Variants in LAMA5 observed in about 807,000 individuals in gnomAD.
The protein encoded by LAMA5 is laminin subunit alpha 5, also known as laminin subunit alpha-5.
A neutral mutation model predicts 433.4 loss-of-function variants in LAMA5; 260 were observed. The ratio of observed to expected loss-of-function variants is 0.60; its 90% CI spans 0.54 to 0.66. The LOEUF is 0.66. LAMA5 is among the 30% of genes least tolerant of loss of function. The pLI is 0.00. For synonymous variants in LAMA5, 2,620 were observed against 2,226.6 expected (o/e 1.18, Z -4.97); for missense variants, 5,378 against 5,258.5 (o/e 1.02, Z -0.70).
rs2146237087 is a variant in LAMA5, at chr20:62,338,158, G to A, written c.1757-8C>T. 6.3e-7 allele frequency: 1 copy of A among 1,575,668 alleles called. No individual in the cohort carries two copies. The highest frequency in any genetic ancestry group is 2.3e-5 in the East Asian group (1 of 44,422). ...CAGGGCTGCAGCCACACACTGCAGA[G>A]CGGAGCGGGTGTCACGGTAGGCCAG... On this transcript the variant is annotated splice_polypyrimidine_tract_variant and splice_region_variant and intron_variant, in intron 13 of 79. Transcript: ENST00000252999.
chr20:62,317,116 T>G, intron 55 of LAMA5, 93 bp from the exon 56 acceptor site: 1 of 1,393,922 alleles, frequency 7.2e-7, no homozygotes, highest in Non-Finnish European at 9.4e-7. Flanking sequence ...GCCGTGCCCG[T>G]GCCTGCCCGC....
Position 62,326,913 on chromosome 20 carries a change from C to G in LAMA5, c.5166G>C (p.Arg1722=). 6.2e-7 allele frequency: 1 copy of G among 1,612,388 alleles called. No homozygotes were observed. Among genetic ancestry groups the G allele is most frequent in the South Asian group, 1.1e-5 (1 of 91,004 alleles). ...LRYELHSETQ[R]GDVFVPMESR... ...TCTCCATGGGGACAAAGACATCTCC[C>G]CGCTGGGTCTCTGAGTGCAGTTCAT... The change falls in exon 39 of 80, where the codon CGG becomes CGC. Residue 1722 remains arginine (R), a synonymous_variant. Coordinates refer to ENST00000252999, the MANE Select transcript of LAMA5 (RefSeq NM_005560.6).
intron 3 of LAMA5, among the ~76,000 whole-genome samples, chr20:62,352,666 G>T (rs1270608995): frequency 6.6e-6 from 1 of 152,164 alleles, no homozygotes; most frequent in African/African-American, 2.4e-5. Context: ...TCTCAGGCCA[G>T]GGAATTTTGG....
Position 62,367,286 on chromosome 20 carries a change from C to A in LAMA5, c.-41G>T. 8.8e-7 allele frequency: 1 copy of A among 1,136,524 alleles called. No individual in the cohort carries two copies. The highest frequency in any genetic ancestry group is 1.1e-6 in the Non-Finnish European group (1 of 927,050). 70.4% of individuals were successfully genotyped at this position (1,136,524 alleles called of 1,614,324 possible). A position where few individuals can be genotyped will look rare whatever the true frequency, so the allele number is the denominator to read the frequency against. On this transcript the variant is annotated 5_prime_UTR_variant, in exon 1 of 80. Transcript: ENST00000252999. Reference sequence around the variant, plus strand: ...CCGCGTCCCCGAGCTCCAGGGACAGCGCGCGCGGCGGGAGCCCGGCGGGTC... The same window carrying A: ...CCGCGTCCCCGAGCTCCAGGGACAGAGCGCGCGGCGGGAGCCCGGCGGGTC...
intron 18 of LAMA5, among the ~76,000 whole-genome samples, 164 bp from the exon 19 acceptor site, chr20:62,335,433 C>G (rs1981396936): frequency 1.4e-5 from 2 of 142,854 alleles, no homozygotes; most frequent in Admixed American, 7.0e-5. Context: ...GATACACTTG[C>G]AGGTACAGTT....
At chr20:62,331,159 GC>G (rs763986616) in intron 28 of LAMA5, 30 bp from the exon 29 acceptor site, 14 of 1,482,420 alleles carry the variant, frequency 9.4e-6, no homozygotes, top group Non-Finnish European at 1.2e-5. Flanking sequence ...ATGCTGCAAC[GC>G]CCGTGGTGCG....
At position 62,331,332 on chromosome 20, in the gene LAMA5, G is replaced by GGGGGTGCAGGCGGTACGATGA. The variant is rs1980418713; in HGVS notation, c.3553-204_3553-203insTCATCGTACCGCCTGCACCCC. On this transcript the variant is annotated intron_variant, in intron 28 of 79. Transcript: ENST00000252999. ...GATGGGGGGTGCAGGCGGTACGATG[G>GGGGGTGCAGGCGGTACGATGA]GGGGGCCGGTCACACAGCTCAGACC... 3.5e-5 allele frequency among the ~76,000 whole-genome samples: 3 copies of GGGGGTGCAGGCGGTACGATGA among 86,946 alleles called. 1 individual carries two copies. The highest frequency in any genetic ancestry group is 1.3e-4 in the Admixed American group (1 of 7,702). 57.0% of individuals were successfully genotyped at this position (86,946 alleles called of 152,430 possible).
chr20:62,325,132 A>ATGAGGGG (rs1247810160), intron 41 of LAMA5, 184 bp downstream of exon 41: 47 of 570,194 alleles, frequency 8.2e-5, no homozygotes, highest in Admixed American at 1.4e-4. Context: ...GGGCAGGCAG[A>ATGAGGGG]CAGGCAGCAG....
At position 62,309,358 on chromosome 20, in the gene LAMA5, GC is replaced by G; in HGVS notation, c.11065del (p.Ala3689ProfsTer38). 6.3e-7 allele frequency: 1 copy of G among 1,589,906 alleles called. No individual in the cohort carries two copies. The highest frequency in any genetic ancestry group is 8.5e-7 in the Non-Finnish European group (1 of 1,176,322). On this transcript the variant is annotated frameshift_variant, in exon 80 of 80. Transcript: ENST00000252999. LOFTEE classifies it high-confidence loss of function. ...RSVEVHGAVG[A>X]SGCPAA ...GTCCTAGGCGGCTGGGCAGCCACTG[GC>G]CCCCACTGCCCCGTGGACCTCCACA...
chr20:62,339,243 T>C (rs1178697558), intron 11 of LAMA5, among the ~76,000 whole-genome samples: 1 of 130,982 alleles, frequency 7.6e-6, no homozygotes. Flanking sequence ...TTTTTTTTTT[T>C]TTTTTTTTTT....
chr20:62,315,599 A>G (rs1212525926), intron 58 of LAMA5, among the ~76,000 whole-genome samples: 1 of 152,062 alleles, frequency 6.6e-6, no homozygotes, highest in Non-Finnish European at 1.5e-5. Flanking sequence ...TCACCGCCCA[A>G]GGTCTTGCCA....
chr20:62,338,618 G>T lies in LAMA5; in HGVS notation c.1478-10C>A, dbSNP rs749083356. 1 of 1,605,004 alleles carries T rather than the reference G, an allele frequency of 6.2e-7. No homozygotes were observed. Among genetic ancestry groups the T allele is most frequent in the South Asian group, 1.1e-5 (1 of 89,802 alleles). On this transcript the variant is annotated splice_polypyrimidine_tract_variant and intron_variant, in intron 11 of 79. Coordinates refer to ENST00000252999, the MANE Select transcript of LAMA5 (RefSeq NM_005560.6). ...GCGCTGCAGTCACAATCTGGAGGGT[G>T]GGGACAGGCAGGGGAGTCTCAGATG... is the stretch of plus-strand genomic sequence containing the variant.
rs200454102 is a variant in LAMA5 at position 62,314,477 on chromosome 20, C to T, written c.8368-37G>A. The T allele has an allele frequency of 3.6e-5, 58 of 1,611,480 alleles. No homozygotes were observed. The African/African-American group carries it at 4.9e-4, about 14-fold the overall frequency. On this transcript the variant is annotated intron_variant, in intron 61 of 79. Coordinates refer to ENST00000252999, the MANE Select transcript of LAMA5 (RefSeq NM_005560.6). The stretch of plus-strand genomic sequence containing the variant: ...ACAGACACACAGTCGGGATGGGGAC[C>T]GGGGACCAGGGACCAGGCACCGCTC...
Position 62,322,149 on chromosome 20 carries a change from G to A in LAMA5, c.6366C>T (p.Gly2122=), listed in dbSNP as rs775584795. Residue 2122 remains glycine, a synonymous_variant, in exon 48 of 80, where the codon GGC becomes GGT. Coordinates refer to ENST00000252999, the MANE Select transcript of LAMA5 (RefSeq NM_005560.6). ...QGCRRCQCPG[G]RCDPHTGRCN... The stretch of plus-strand genomic sequence containing the variant: ...AGCGGCCCGTGTGAGGGTCACAGCG[G>A]CCCCCAGGGCACTGGCAGCCTGTGG... 9 of 1,597,408 alleles carry A rather than the reference G, an allele frequency of 5.6e-6. No homozygotes were observed. The African/African-American group carries it at 1.1e-4, about 19-fold the overall frequency.
chr20:62,321,721 TGGGGTCAGTGGAGGGGTGGGGCCAGTGGA>T (rs1987821451), intron 48 of LAMA5, among the ~76,000 whole-genome samples: 1 of 17,016 alleles, frequency 5.9e-5, no homozygotes, highest in Non-Finnish European at 1.1e-4. Context: ...AGCAGAGGGG[TGGGGTCAGTGGAGGGGTGGGGCCAGTGGA>T]GGGGTGGGGT....
chr20:62,330,430 C>G (rs964359805), intron 31 of LAMA5, 58 bp downstream of exon 31: 33 of 1,469,820 alleles, frequency 2.2e-5, no homozygotes, highest in Non-Finnish European at 2.9e-5. Flanking sequence ...GCTGTGGCGC[C>G]GGCATTCCAG....
chr20:62,312,580 C>T lies in LAMA5; in HGVS notation c.9228-48G>A, dbSNP rs754301891. Reference sequence around the variant, plus strand: ...GTCAGGGCGCCACCTCCAAGCCCAGCCTACCGCCCCAACAGCCTGGCCTCG... The same window carrying T: ...GTCAGGGCGCCACCTCCAAGCCCAGTCTACCGCCCCAACAGCCTGGCCTCG... On this transcript the variant is annotated intron_variant, in intron 67 of 79. Coordinates refer to ENST00000252999, the MANE Select transcript of LAMA5 (RefSeq NM_005560.6). 44 of 1,598,704 alleles carry T rather than the reference C, an allele frequency of 2.8e-5. No individual in the cohort carries two copies. The South Asian group carries it at 4.5e-4, about 17-fold the overall frequency.
rs371439546 is a variant in LAMA5 at position 62,326,909 on chromosome 20, C to A, written c.5170G>T (p.Asp1724Tyr). The stretch of plus-strand genomic sequence containing the variant: ...CTGCTCTCCATGGGGACAAAGACAT[C>A]TCCCCGCTGGGTCTCTGAGTGCAGT... The part of the protein sequence containing the change: ...YELHSETQRG[D>Y]VFVPMESRPD... The change falls in exon 39 of 80, where the codon GAT becomes TAT. Residue 1724 changes from aspartate to tyrosine, a missense_variant. Transcript: ENST00000252999. The A allele has an allele frequency of 6.2e-7, 1 of 1,612,378 alleles. No individual in the cohort carries two copies.
At chr20:62,330,975 CGGCCCTGCCGCCG>C (rs748718380) in intron 29 of LAMA5, 31 bp from the exon 30 acceptor site, 1 of 1,559,060 alleles carries the variant, frequency 6.4e-7, no homozygotes, top group African/African-American at 1.4e-5. Context: ...GAGTCAGAGC[CGGCCCTGCCGCCG>C]GGCCCTCGGC....
Sources: allele counts gnomAD v4.1 joint callset (sites outside exome capture counted in the v4.1 genomes callset), GRCh38; gene constraint gnomAD v4.1.1; transcripts MANE v1.5; gene names NCBI Gene and HGNC (gene_info 2026-07-23, HGNC 2026-07-21).